Variants in CRLF3 observed in about 807,000 individuals in gnomAD.
The protein encoded by CRLF3 is cytokine receptor-like factor 3.
Under a neutral mutation model 55.0 loss-of-function variants are expected in CRLF3, and 33 were observed. The observed-to-expected ratio is 0.60, with a 90% CI of 0.46 to 0.80. CRLF3 has a LOEUF of 0.80. Ranked by LOEUF, CRLF3 falls within the 30% of genes least tolerant of loss-of-function variation. CRLF3 has a pLI of 0.00. For synonymous variants in CRLF3, 238 were observed against 196.8 expected (o/e 1.21, Z -1.75); for missense variants, 494 against 538.4 (o/e 0.92, Z 0.82).
chr17:30,815,731 A>G (rs1904779181), intron 1 of CRLF3, among the ~76,000 whole-genome samples: 2 of 148,342 alleles, frequency 1.3e-5, no homozygotes, highest in African/African-American at 2.5e-5. Flanking sequence ...TTTAGTAGAG[A>G]CGGGGTTTCA....
intron 1 of CRLF3, among the ~76,000 whole-genome samples, chr17:30,808,603 T>C (rs888096289): frequency 9.0e-5 from 13 of 143,742 alleles, no homozygotes; most frequent in Non-Finnish European, 1.5e-4. Flanking sequence ...TGTATATATA[T>C]ATATTTTTTT....
Position 30,807,517 on chromosome 17 carries a change from C to CTTTTTTT in CRLF3, c.130-3416_130-3410dup, listed in dbSNP as rs778842582. 1.8e-3 allele frequency among the ~76,000 whole-genome samples: 112 copies of CTTTTTTT among 62,966 alleles called. 9 individuals are homozygous for CTTTTTTT. The highest frequency in any genetic ancestry group is 4.3e-3 in the African/African-American group (63 of 14,502). 41.3% of individuals were successfully genotyped at this position (62,966 alleles called of 152,430 possible). On this transcript the variant is annotated intron_variant, in intron 1 of 7. Coordinates refer to ENST00000324238, the MANE Select transcript of CRLF3 (RefSeq NM_015986.4). Reference sequence around the variant, plus strand: ...CAGACCATAGAAACAATTTTCTTTCCTTTTTTTTTTTTTTTTTTTTTTTTT... The same window carrying CTTTTTTT: ...CAGACCATAGAAACAATTTTCTTTCCTTTTTTTTTTTTTTTTTTTTTTTTTTTTTTTT...
chr17:30,824,462 T>A, intron 1 of CRLF3, 61 bp downstream of exon 1: 1 of 1,491,082 alleles, frequency 6.7e-7, no homozygotes, highest in Non-Finnish European at 9.0e-7. Context: ...CCTCCCAGCC[T>A]TCGCCCGGCA....
rs183685165 is a variant in CRLF3 at position 30,808,395 on chromosome 17, C to T, written c.130-4287G>A. ...CTCCACCTCCCGGGTTCAAGTGATT[C>T]TCCTGTCTCAGCCTCCTGAGTAGCT... On this transcript the variant is annotated intron_variant, in intron 1 of 7. Coordinates refer to ENST00000324238, the MANE Select transcript of CRLF3 (RefSeq NM_015986.4). Among the ~76,000 whole-genome samples the T allele has an allele frequency of 1.1e-3, 166 of 144,820 alleles. 3 individuals are homozygous for T. The East Asian group carries it at 0.029, about 25-fold the overall frequency.
At chr17:30,816,850 T>C (rs1296239165) in intron 1 of CRLF3, among the ~76,000 whole-genome samples, 1 of 152,126 alleles carries the variant, frequency 6.6e-6, no homozygotes, top group Non-Finnish European at 1.5e-5. Flanking sequence ...GTATTCAGTA[T>C]AGTAACATGC....
At chr17:30,787,683 A>G (rs2142242124) in intron 6 of CRLF3, 1 of 152,314 alleles carries the variant, frequency 6.6e-6, no homozygotes, top group East Asian at 1.9e-4. Context: ...AAGTTATTTC[A>G]TATCTGAGCA....
In CRLF3 at chr17:30,824,657, C is replaced by T. The variant is rs1258499771; in HGVS notation, c.-6G>A. 3.8e-6 allele frequency: 6 copies of T among 1,587,472 alleles called. No homozygotes were observed. Among genetic ancestry groups the T allele is most frequent in the Non-Finnish European group, 5.1e-6 (6 of 1,172,676 alleles). On this transcript the variant is annotated 5_prime_UTR_variant, in exon 1 of 8. Transcript: ENST00000324238. ...AGCTCCATCGCCCCCCTCATCTGGC[C>T]GCGCGGCCGGCGAAACCTAGCGCGG...
chr17:30,786,486 C>G (rs1176606708), intron 6 of CRLF3: 2 of 153,066 alleles, frequency 1.3e-5, no homozygotes, highest in Non-Finnish European at 2.9e-5. Flanking sequence ...ATCCACCCAC[C>G]TCGGCCTCCC....
chr17:30,810,258 T>C (rs146308629), intron 1 of CRLF3, among the ~76,000 whole-genome samples: 140 of 152,346 alleles, frequency 9.2e-4, no homozygotes, highest in Non-Finnish European at 1.7e-3. Context: ...TAACAGACCA[T>C]TAAAACTTAC....
At chr17:30,791,727 A>G (rs1971806259) in intron 6 of CRLF3, among the ~76,000 whole-genome samples, 2 of 144,610 alleles carry the variant, frequency 1.4e-5, no homozygotes, top group Admixed American at 1.4e-4. Context: ...CATGTTAGCC[A>G]GGATGTTCTC....
chr17:30,806,667 A>C (rs113756428), intron 1 of CRLF3, among the ~76,000 whole-genome samples: 1 of 152,074 alleles, frequency 6.6e-6, no homozygotes, highest in Non-Finnish European at 1.5e-5. Flanking sequence ...TTCTTCTTTT[A>C]TTTCAGAGAC....
chr17:30,800,799 G>A (rs1971995458), intron 2 of CRLF3, among the ~76,000 whole-genome samples: 1 of 150,104 alleles, frequency 6.7e-6, no homozygotes, highest in Non-Finnish European at 1.5e-5. Flanking sequence ...TTTTGAGACG[G>A]AGTCTCGCTC....
At chr17:30,804,860 A>T (rs912852465) in intron 1 of CRLF3, among the ~76,000 whole-genome samples, 1 of 152,184 alleles carries the variant, frequency 6.6e-6, no homozygotes, top group African/African-American at 2.4e-5. Flanking sequence ...TCTATGCCTC[A>T]ATTTTCTTAT....
chr17:30,807,865 T>A (rs530074487), intron 1 of CRLF3, among the ~76,000 whole-genome samples: 1 of 152,328 alleles, frequency 6.6e-6, no homozygotes, highest in Non-Finnish European at 1.5e-5. Flanking sequence ...ATAATATTTA[T>A]GCAGTTAGTA....
chr17:30,819,517 G>A (rs1028515026), intron 1 of CRLF3, among the ~76,000 whole-genome samples: 3 of 152,004 alleles, frequency 2.0e-5, no homozygotes, highest in Admixed American at 6.6e-5. Flanking sequence ...TCGCTCTGTC[G>A]CCCAGGCTGG....
chr17:30,819,974 A>G (rs1313832735), intron 1 of CRLF3, among the ~76,000 whole-genome samples: 1 of 152,204 alleles, frequency 6.6e-6, no homozygotes, highest in African/African-American at 2.4e-5. Flanking sequence ...TGAGTGAATG[A>G]ACAAATGAAT....
chr17:30,816,491 T>TC lies in CRLF3; in HGVS notation c.129+8031_129+8032insG, dbSNP rs978370654. The stretch of plus-strand genomic sequence containing the variant: ...CTTTACTGTATCTTCTTTCTTTCTT[T>TC]TTTTTTTTTTTTTTTTTAGACAGGG... On this transcript the variant is annotated intron_variant, in intron 1 of 7. Transcript: ENST00000324238. Among the ~76,000 whole-genome samples, 20 of 146,000 alleles carry TC rather than the reference T, an allele frequency of 1.4e-4. No individual in the cohort carries two copies. In the East Asian group the frequency reaches 2.0e-3, roughly 14 times the overall value.
chr17:30,823,222 T>C (rs1428450708), intron 1 of CRLF3, among the ~76,000 whole-genome samples: 1 of 151,402 alleles, frequency 6.6e-6, no homozygotes, highest in African/African-American at 2.4e-5. Flanking sequence ...ATTAGCCGGG[T>C]GTGGTGGCGC....
chr17:30,793,166 T>C (rs1477167216), intron 5 of CRLF3, among the ~76,000 whole-genome samples: 2 of 151,250 alleles, frequency 1.3e-5, no homozygotes, highest in Non-Finnish European at 2.9e-5. Context: ...CATTCAAATA[T>C]AAAAAAAAGA....
Sources: allele counts gnomAD v4.1 joint callset (sites outside exome capture counted in the v4.1 genomes callset), GRCh38; gene constraint gnomAD v4.1.1; transcripts MANE v1.5; gene names NCBI Gene and HGNC (gene_info 2026-07-23, HGNC 2026-07-21).